ADK: variants seen among roughly 807,000 people sequenced by gnomAD.
ADK encodes the protein adenosine kinase.
A neutral mutation model predicts 44.7 loss-of-function variants in ADK; 24 were observed. The observed-to-expected ratio is 0.54, with a 90% confidence interval of 0.39 to 0.76. The LOEUF is 0.76. ADK is among the 30% of genes least tolerant of loss of function. ADK has a pLI of 0.00. For missense variants in ADK, 321 were observed against 425.1 expected (o/e 0.76, Z 2.15); for synonymous variants, 128 against 142.6 (o/e 0.90, Z 0.73).
rs145423926 is a variant in ADK at position 74,262,137 on chromosome 10, G to A, written c.194+37546G>A. ...AGTTCAAGACCAGCCTGGCCAACAT[G>A]GCGAAACCCTGTGTCTACTAAAAGT... On this transcript the variant is annotated intron_variant, in intron 3 of 10. Coordinates refer to ENST00000539909, the MANE Select transcript of ADK (RefSeq NM_006721.4). 7.5e-3 allele frequency among the ~76,000 whole-genome samples: 1,144 copies of A among 152,036 alleles called. 7 individuals are homozygous for A. Among genetic ancestry groups the A allele is most frequent in the Middle Eastern group, 0.014 (4 of 294 alleles).
intron 7 of ADK, among the ~76,000 whole-genome samples, chr10:74,552,653 G>T (rs1194594467): frequency 6.6e-6 from 1 of 150,850 alleles, no homozygotes; most frequent in East Asian, 1.9e-4. Context: ...GAATTGTCCA[G>T]CCACAGATTA....
At chr10:74,256,714 A>G (rs547585220) in intron 3 of ADK, among the ~76,000 whole-genome samples, 6 of 152,250 alleles carry the variant, frequency 3.9e-5, no homozygotes, top group African/African-American at 1.4e-4. Flanking sequence ...TCCTCAAATG[A>G]CTTATGATGA....
intron 7 of ADK, among the ~76,000 whole-genome samples, chr10:74,546,137 T>A (rs1849811263): frequency 6.6e-6 from 1 of 152,198 alleles, no homozygotes; most frequent in African/African-American, 2.4e-5. Context: ...AACCTAGAAA[T>A]ATACCATGAG....
At chr10:74,651,179 A>G (rs1013707142) in intron 9 of ADK, among the ~76,000 whole-genome samples, 2 of 152,176 alleles carry the variant, frequency 1.3e-5, no homozygotes, top group Non-Finnish European at 2.9e-5. Context: ...ATGGTATTGG[A>G]TAACAAATAT....
At chr10:74,158,331 A>G (rs1173963222) in intron 1 of ADK, among the ~76,000 whole-genome samples, 1 of 152,230 alleles carries the variant, frequency 6.6e-6, no homozygotes, top group East Asian at 1.9e-4. Context: ...GACCTCTGGG[A>G]TACCAAATAC....
At chr10:74,254,132 C>T (rs1453607339) in intron 3 of ADK, among the ~76,000 whole-genome samples, 3 of 152,084 alleles carry the variant, frequency 2.0e-5, no homozygotes, top group Non-Finnish European at 4.4e-5. Context: ...TTTCTATTCT[C>T]TTAATGTTGC....
chr10:74,310,114 G>C (rs1840384258), intron 3 of ADK, among the ~76,000 whole-genome samples: 1 of 151,986 alleles, frequency 6.6e-6, no homozygotes, highest in African/African-American at 2.4e-5. Context: ...TTCCAATTCT[G>C]TCAGGCTTTT....
At chr10:74,648,532 G>T (rs980614094) in intron 9 of ADK, among the ~76,000 whole-genome samples, 1 of 151,804 alleles carries the variant, frequency 6.6e-6, no homozygotes, top group Non-Finnish European at 1.5e-5. Context: ...ACAAAAATTC[G>T]CTGGGCGTGG....
At chr10:74,541,795 C>CG (rs1554878464) in intron 7 of ADK, among the ~76,000 whole-genome samples, 1 of 19,306 alleles carries the variant, frequency 5.2e-5, no homozygotes, top group Non-Finnish European at 1.5e-4. Flanking sequence ...CCCCCACACA[C>CG]CCCCCCCCCC....
chr10:74,306,149 A>T (rs1840242209), intron 3 of ADK, among the ~76,000 whole-genome samples: 2 of 152,094 alleles, frequency 1.3e-5, no homozygotes, highest in Admixed American at 1.3e-4. Context: ...TTTTAAAAAA[A>T]TCCTTTTTCT....
intron 4 of ADK, among the ~76,000 whole-genome samples, chr10:74,341,429 G>A (rs987598432): frequency 6.6e-6 from 1 of 151,680 alleles, no homozygotes; most frequent in Non-Finnish European, 1.5e-5. Context: ...GGGAGGCTGA[G>A]GCAGGAGAAT....
intron 4 of ADK, chr10:74,371,482 C>T (rs1842655686): frequency 1.6e-5 from 11 of 674,552 alleles, no homozygotes; most frequent in Non-Finnish European, 2.7e-5. Context: ...CATAGACGTC[C>T]ATACGGCGTT....
At chr10:74,298,363 T>A (rs932546356) in intron 3 of ADK, among the ~76,000 whole-genome samples, 1 of 152,182 alleles carries the variant, frequency 6.6e-6, no homozygotes, top group African/African-American at 2.4e-5. Context: ...GGTAAGTTAG[T>A]AAATTTTCAT....
At chr10:74,300,297 TC>T (rs1468879636) in intron 3 of ADK, among the ~76,000 whole-genome samples, 15 of 85,906 alleles carry the variant, frequency 1.7e-4, no homozygotes, top group East Asian at 1.5e-3. Flanking sequence ...CTTCCTTCCT[TC>T]CTTCCTTCCT....
rs78374693 is a variant in ADK at position 74,279,270 on chromosome 10, A to G, written c.195-35397A>G. 8.9e-4 allele frequency among the ~76,000 whole-genome samples: 131 copies of G among 147,678 alleles called. 2 individuals are homozygous for G. In the East Asian group the frequency reaches 0.016, roughly 18 times the overall value. ...ATTCCAGCATGGGTGACAGAGCGAG[A>G]CTCCATCTTAAAAAAATAAACAAAA... is the stretch of plus-strand genomic sequence containing the variant. On this transcript the variant is annotated intron_variant, in intron 3 of 10. Transcript: ENST00000539909.
At chr10:74,312,913 C>CAAAAAA (rs1469398498) in intron 3 of ADK, among the ~76,000 whole-genome samples, 4 of 750 alleles carry the variant, frequency 5.3e-3, no homozygotes, top group Non-Finnish European at 0.014. Context: ...GATTCTGTCT[C>CAAAAAA]CAAAAAAAAA....
chr10:74,224,877 A>T (rs1049304110), intron 3 of ADK, among the ~76,000 whole-genome samples: 1 of 152,176 alleles, frequency 6.6e-6, no homozygotes, highest in Non-Finnish European at 1.5e-5. Flanking sequence ...CTCTTTCCAG[A>T]TAAAATATTA....
intron 7 of ADK, chr10:74,528,081 A>C (rs1030110622): frequency 3.9e-5 from 39 of 1,000,594 alleles, no homozygotes; most frequent in Middle Eastern, 4.2e-4. Context: ...TCCTTCTGGA[A>C]GAGGTGAAAC....
chr10:74,701,571 C>T (rs983251848), intron 10 of ADK, among the ~76,000 whole-genome samples: 8 of 152,294 alleles, frequency 5.3e-5, no homozygotes, highest in African/African-American at 1.4e-4. Context: ...CCAGCCTGAA[C>T]GGCTCCCACT....
Sources: allele counts gnomAD v4.1 joint callset (sites outside exome capture counted in the v4.1 genomes callset), GRCh38; gene constraint gnomAD v4.1.1; transcripts MANE v1.5; gene names NCBI Gene and HGNC (gene_info 2026-07-23, HGNC 2026-07-21).